Variants in PLEKHA6 observed in about 807,000 individuals in gnomAD.
PLEKHA6 encodes the protein pleckstrin homology domain-containing family A member 6.
In PLEKHA6, 60 loss-of-function variants were observed where a neutral mutation model predicts 116.7. That is an observed-to-expected ratio of 0.51 (90% CI 0.42 to 0.64). PLEKHA6 has a LOEUF of 0.64. Ranked by LOEUF, PLEKHA6 falls within the 30% of genes least tolerant of loss-of-function variation. The pLI, the probability that PLEKHA6 is intolerant of heterozygous loss-of-function variation, is 0.00. For synonymous variants in PLEKHA6, 489 were observed against 556.1 expected (o/e 0.88, Z 1.70); for missense variants, 1,338 against 1,422.7 (o/e 0.94, Z 0.96).
At chr1:204,281,004 G>A (rs553536120) in intron 1 of PLEKHA6, 2 of 984,756 alleles carry the variant, frequency 2.0e-6, no homozygotes, top group African/African-American at 1.7e-5. Flanking sequence ...CTAGGTATTT[G>A]CAGGTGGGAA....
chr1:204,321,496 G>A (rs1052888457), intron 1 of PLEKHA6, among the ~76,000 whole-genome samples: 5 of 151,000 alleles, frequency 3.3e-5, no homozygotes, highest in African/African-American at 1.2e-4. Flanking sequence ...ATCTAGTTCC[G>A]GCGCCCATGC....
At chr1:204,300,757 C>T (rs1670737317) in intron 1 of PLEKHA6, among the ~76,000 whole-genome samples, 1 of 152,244 alleles carries the variant, frequency 6.6e-6, no homozygotes, top group South Asian at 2.1e-4. Context: ...GCTCAGCCCA[C>T]TTATCAGCTG....
intron 1 of PLEKHA6, among the ~76,000 whole-genome samples, chr1:204,341,855 T>C (rs1672856908): frequency 2.0e-5 from 3 of 152,176 alleles, no homozygotes; most frequent in Non-Finnish European, 4.4e-5. Flanking sequence ...ATGTTACTAA[T>C]AAAATGGGGA....
At chr1:204,233,342 A>ATAT (rs764944672) in intron 17 of PLEKHA6, among the ~76,000 whole-genome samples, 6 of 132,966 alleles carry the variant, frequency 4.5e-5, no homozygotes, top group Non-Finnish European at 9.5e-5. Context: ...CACCTGGCTA[A>ATAT]TTTTTTTTTT....
intron 1 of PLEKHA6, among the ~76,000 whole-genome samples, chr1:204,333,558 T>C (rs1461735182): frequency 6.6e-6 from 1 of 152,222 alleles, no homozygotes; most frequent in Non-Finnish European, 1.5e-5. Flanking sequence ...TCTCAGCTGA[T>C]TTAAACAGTT....
chr1:204,241,728 G>A lies in PLEKHA6; in HGVS notation c.2259C>T (p.Thr753=), dbSNP rs148143632. 2 of 1,610,978 alleles carry A rather than the reference G, an allele frequency of 1.2e-6. No homozygotes were observed. The highest frequency in any genetic ancestry group is 2.7e-5 in the African/African-American group (2 of 74,720). The change falls in exon 16 of 23, where the codon ACC becomes ACT. Residue 753 remains threonine, a synonymous_variant. Coordinates refer to ENST00000272203, the MANE Select transcript of PLEKHA6 (RefSeq NM_014935.5). ...DTPRDISLVP[T]RQEVEAEKQA... ...GCTTCTCTGCCTCTACCTCTTGCCT[G>A]GTGGGCACAAGGCTGATGTCTCTGG...
At chr1:204,248,154 C>A (rs887423598) in intron 12 of PLEKHA6, among the ~76,000 whole-genome samples, 1 of 60,672 alleles carries the variant, frequency 1.6e-5, no homozygotes, top group East Asian at 7.5e-4. Context: ...AGGGCAGCAG[C>A]CTTTTTTTTT....
intron 1 of PLEKHA6, among the ~76,000 whole-genome samples, chr1:204,339,105 C>T (rs570175963): frequency 1.4e-4 from 22 of 152,282 alleles, no homozygotes; most frequent in African/African-American, 4.8e-4. Context: ...TAGAACCAAC[C>T]GCCTCACTGA....
chr1:204,253,505 G>C, intron 9 of PLEKHA6, among the ~76,000 whole-genome samples: 1 of 152,110 alleles, frequency 6.6e-6, no homozygotes, highest in East Asian at 1.9e-4. Flanking sequence ...CTGGGTGAAA[G>C]GGCGAGACTC....
intron 1 of PLEKHA6, 197 bp downstream of exon 1, chr1:204,359,497 C>T (rs1673508935): frequency 4.2e-6 from 2 of 471,822 alleles, no homozygotes; most frequent in Non-Finnish European, 5.6e-6. Context: ...GGGGTGGGGG[C>T]ACAGGGAGGG....
chr1:204,287,644 C>G (rs1669334842), intron 1 of PLEKHA6, among the ~76,000 whole-genome samples: 2 of 152,084 alleles, frequency 1.3e-5, no homozygotes, highest in African/African-American at 4.8e-5. Flanking sequence ...AAGGATAAAA[C>G]CAGGAGCACA....
chr1:204,363,838 A>G (rs966663734), upstream of PLEKHA6, among the ~76,000 whole-genome samples: 3 of 151,922 alleles, frequency 2.0e-5, no homozygotes, highest in African/African-American at 7.3e-5. Flanking sequence ...TGTGCTCTGG[A>G]GCCCTCTTGT....
Position 204,247,431 on chromosome 1 carries a change from C to G in PLEKHA6, c.1854G>C (p.Glu618Asp). ...GGGCAGAGACCTCAGACTCGAGGTG[C>G]TCATACTCTATGGTGCTGTTTGTCA... ...TALTNSTIEY[E>D]HLESEVSALH... is the part of the protein sequence containing the mutation. The change falls in exon 13 of 23, where the codon GAG (glutamate) becomes GAC (aspartate). Residue 618 changes from glutamate to aspartate, a missense_variant. Around this residue, in one of 3 missense-constraint regions of PLEKHA6, gnomAD observed 1,136 missense variants for 1,163.6 expected, o/e 0.98. Coordinates refer to ENST00000272203, the MANE Select transcript of PLEKHA6 (RefSeq NM_014935.5). 6.2e-7 allele frequency: 1 copy of G among 1,613,006 alleles called. No individual in the cohort carries two copies. The highest frequency in any genetic ancestry group is 8.5e-7 in the Non-Finnish European group (1 of 1,179,164).
intron 15 of PLEKHA6, chr1:204,243,180 C>T: frequency 2.5e-6 from 1 of 399,306 alleles, no homozygotes; most frequent in Non-Finnish European, 4.4e-6. Context: ...AGAAGCGGCT[C>T]TCGCTAGGGA....
chr1:204,282,565 G>A (rs1224373264), intron 1 of PLEKHA6: 1 of 841,968 alleles, frequency 1.2e-6, no homozygotes, highest in Admixed American at 6.2e-5. Flanking sequence ...GGCCCTCCAA[G>A]ACTCCAGGCC....
At chr1:204,306,152 A>T (rs888195270) in intron 1 of PLEKHA6, among the ~76,000 whole-genome samples, 9 of 151,902 alleles carry the variant, frequency 5.9e-5, no homozygotes, top group Non-Finnish European at 1.0e-4. Flanking sequence ...CACCACCCCA[A>T]ATCTGCTTTT....
intron 17 of PLEKHA6, among the ~76,000 whole-genome samples, chr1:204,231,727 C>A (rs1054832390): frequency 6.6e-6 from 1 of 151,968 alleles, no homozygotes; most frequent in African/African-American, 2.4e-5. Flanking sequence ...GCCACTGCAC[C>A]TGGCAAATTT....
intron 1 of PLEKHA6, among the ~76,000 whole-genome samples, chr1:204,336,563 CGT>C (rs10538125): frequency 0.12 from 17,730 of 147,982 alleles, 1,957 homozygotes; most frequent in African/African-American, 0.3. Context: ...GGTGTGTGAG[CGT>C]GTGTGTGTGT....
At chr1:204,274,048 C>A (rs1272856842) in intron 2 of PLEKHA6, among the ~76,000 whole-genome samples, 1 of 152,146 alleles carries the variant, frequency 6.6e-6, no homozygotes, top group African/African-American at 2.4e-5. Context: ...ATCTTCCCAC[C>A]TCAGCTTCCA....
Sources: allele counts gnomAD v4.1 joint callset (sites outside exome capture counted in the v4.1 genomes callset), GRCh38; gene constraint gnomAD v4.1.1; regional missense constraint gnomAD v4.1.1; transcripts MANE v1.5; gene names NCBI Gene and HGNC (gene_info 2026-07-23, HGNC 2026-07-21).